Variants in PPIP5K2 observed in about 807,000 individuals in gnomAD.
PPIP5K2 encodes the protein diphosphoinositol pentakisphosphate kinase 2, also known as inositol hexakisphosphate and diphosphoinositol-pentakisphosphate kinase 2.
Under a neutral mutation model 154.6 loss-of-function variants are expected in PPIP5K2, and 105 were observed. That is an observed-to-expected ratio of 0.68 (90% CI 0.58 to 0.80). The LOEUF (loss-of-function observed/expected upper bound fraction) is 0.80, where lower values mean the gene tolerates loss of function less well. Ranked by LOEUF, PPIP5K2 falls within the 30% of genes least tolerant of loss-of-function variation. The pLI is 0.00. For missense variants in PPIP5K2, 992 were observed against 1,504.6 expected (o/e 0.66, Z 5.64); for synonymous variants, 480 against 490.3 (o/e 0.98, Z 0.28).
At chr5:103,151,116 C>A (rs1489757852) in intron 8 of PPIP5K2, 137 bp from the exon 9 acceptor site, 1 of 574,664 alleles carries the variant, frequency 1.7e-6, no homozygotes, top group African/African-American at 1.9e-5. Flanking sequence ...TCTTTCATTT[C>A]TTATTATGAA....
At chr5:103,123,965 T>C (rs2149429576) in intron 1 of PPIP5K2, among the ~76,000 whole-genome samples, 1 of 152,304 alleles carries the variant, frequency 6.6e-6, no homozygotes, top group Non-Finnish European at 1.5e-5. Flanking sequence ...TTGAATGTCC[T>C]GCATCTCTTA....
intron 17 of PPIP5K2, among the ~76,000 whole-genome samples, chr5:103,160,206 G>T (rs1796008430): frequency 6.6e-6 from 1 of 151,974 alleles, no homozygotes; most frequent in Non-Finnish European, 1.5e-5. Flanking sequence ...CTTATCTATT[G>T]TGAACAGTGT....
chr5:103,209,633 A>C lies in PPIP5K2; in HGVS notation c.*7999A>C, dbSNP rs1803696636. ...CTTGATATATGGAAGGATTTTTTTA[A>C]AAAAAAGGAAAAATGAATATGCCTT... is the stretch of plus-strand genomic sequence containing the variant. On this transcript the variant is annotated 3_prime_UTR_variant, in exon 31 of 31. Coordinates refer to ENST00000358359, the MANE Select transcript of PPIP5K2 (RefSeq NM_001276277.3). The C allele has an allele frequency of 6.6e-6, 1 of 152,110 alleles. No individual in the cohort carries two copies. Among genetic ancestry groups the C allele is most frequent in the Non-Finnish European group, 1.5e-5 (1 of 67,998 alleles). The allele number at this position is 152,110 out of a possible 1,614,324, so 9.4% of individuals were successfully genotyped here.
chr5:103,168,183 AC>A lies in PPIP5K2; in HGVS notation c.2175del (p.Asp725GlufsTer6). 6.2e-7 allele frequency: 1 copy of A among 1,607,916 alleles called. No individual in the cohort carries two copies. Among genetic ancestry groups the A allele is most frequent in the East Asian group, 2.2e-5 (1 of 44,648 alleles). ...AGATATGATATTAGTAAAATCCCTG[AC>A]ATATATGACTGTATAAAATATGATG... ...NGRYDISKIP[D>X]IYDCIKYDVQ... is the part of the protein sequence containing the mutation. On this transcript the variant is annotated frameshift_variant, in exon 19 of 31. Transcript: ENST00000358359. LOFTEE classifies it high-confidence loss of function.
intron 28 of PPIP5K2, among the ~76,000 whole-genome samples, chr5:103,190,041 G>A (rs1800979549): frequency 6.6e-6 from 1 of 151,844 alleles, no homozygotes; most frequent in Non-Finnish European, 1.5e-5. Flanking sequence ...AAATAAACAG[G>A]CAATTTTCTT....
At chr5:103,196,444 G>A (rs1469597525) in intron 30 of PPIP5K2, among the ~76,000 whole-genome samples, 1 of 152,110 alleles carries the variant, frequency 6.6e-6, no homozygotes, top group Non-Finnish European at 1.5e-5. Context: ...CATAAGTTGT[G>A]ATGCATCCCA....
chr5:103,160,116 T>C (rs909560255), intron 17 of PPIP5K2, among the ~76,000 whole-genome samples: 8 of 152,222 alleles, frequency 5.3e-5, no homozygotes, highest in Non-Finnish European at 1.0e-4. Flanking sequence ...TTTTTAAGGC[T>C]AGATGATGAT....
At position 103,129,605 on chromosome 5, in the gene PPIP5K2, A is replaced by G. The variant is rs1554201933; in HGVS notation, c.16A>G (p.Arg6Gly). The change falls in exon 2 of 31, where the codon AGA (arginine) becomes GGA (glycine). Residue 6 changes from arginine (R) to glycine (G), a missense_variant. Around this residue, in one of 9 missense-constraint regions of PPIP5K2, gnomAD observed 153 missense variants for 200.4 expected, o/e 0.76. Transcript: ENST00000358359. MSEAP[R>G]FFVGPEDTEI... ...TAAAATAAAAATGAGTGAAGCCCCC[A>G]GATTCTTCGTTGGACCAGAAGATAC... 6.3e-7 allele frequency: 1 copy of G among 1,599,254 alleles called. No individual in the cohort carries two copies. The highest frequency in any genetic ancestry group is 1.1e-5 in the South Asian group (1 of 88,388).
At chr5:103,193,338 T>C (rs952543644) in intron 29 of PPIP5K2, among the ~76,000 whole-genome samples, 9 of 152,072 alleles carry the variant, frequency 5.9e-5, no homozygotes, top group Non-Finnish European at 1.3e-4. Context: ...CCCTGAGTTA[T>C]CAAGCTGTAG....
Position 103,194,976 on chromosome 5 carries a change from C to T in PPIP5K2, c.3570C>T (p.Leu1190=), listed in dbSNP as rs374719818. 34 of 1,613,746 alleles carry T rather than the reference C, an allele frequency of 2.1e-5. No individual in the cohort carries two copies. The East Asian group carries it at 5.8e-4, about 28-fold the overall frequency. The change falls in exon 30 of 31, where the codon CTC becomes CTT. Residue 1190 remains leucine, a synonymous_variant. Coordinates refer to ENST00000358359, the MANE Select transcript of PPIP5K2 (RefSeq NM_001276277.3). ...SLNTYTPAKI[L]PTPPATLKST... ...ATACGTATACACCTGCAAAGATCCT[C>T]CCAACACCACCAGCTACCTTAAAGA...
intron 4 of PPIP5K2, among the ~76,000 whole-genome samples, chr5:103,137,310 C>T (rs1791693082): frequency 6.6e-6 from 1 of 151,788 alleles, no homozygotes; most frequent in African/African-American, 2.4e-5. Flanking sequence ...TTACAGGCGC[C>T]CGCCACCACG....
rs924473204 is a variant in PPIP5K2, at chr5:103,201,759, G to A, written c.*125G>A. 34 of 701,888 alleles carry A rather than the reference G, an allele frequency of 4.8e-5. No individual in the cohort carries two copies. The South Asian group carries it at 6.2e-4, about 13-fold the overall frequency. 43.5% of individuals were successfully genotyped at this position (701,888 alleles called of 1,614,324 possible). ...CTAAGGTTTTCTTTGTTTATGTTCA[G>A]GTAAGGAACTGTTGTCATGATCTGG... On this transcript the variant is annotated 3_prime_UTR_variant, in exon 31 of 31. Coordinates refer to ENST00000358359, the MANE Select transcript of PPIP5K2 (RefSeq NM_001276277.3).
In PPIP5K2 at chr5:103,130,206, A is replaced by G. The variant is rs150702087; in HGVS notation, c.114+503A>G. Reference sequence around the variant, plus strand: ...AGGGTAGGCTACCTAAAAAGTATCTATGTGTTTGTGTGTGTGTCTAAAACT... The same window carrying G: ...AGGGTAGGCTACCTAAAAAGTATCTGTGTGTTTGTGTGTGTGTCTAAAACT... On this transcript the variant is annotated intron_variant, in intron 2 of 30. Transcript: ENST00000358359. Among the ~76,000 whole-genome samples the G allele has an allele frequency of 9.0e-4, 137 of 152,112 alleles. 1 individual carries two copies. Among genetic ancestry groups the G allele is most frequent in the African/African-American group, 3.2e-3 (133 of 41,560 alleles).
chr5:103,203,001 G>C lies in PPIP5K2; in HGVS notation c.*1367G>C, dbSNP rs1554231203. Reference sequence around the variant, plus strand: ...ATGTTAGCTGTTTTAAAAGGTACCAGATGTAAGAGTCATAAATATATGCAA... The same window carrying C: ...ATGTTAGCTGTTTTAAAAGGTACCACATGTAAGAGTCATAAATATATGCAA... On this transcript the variant is annotated 3_prime_UTR_variant, in exon 31 of 31. Coordinates refer to ENST00000358359, the MANE Select transcript of PPIP5K2 (RefSeq NM_001276277.3). 6.6e-6 allele frequency: 1 copy of C among 152,526 alleles called. No homozygotes were observed. The highest frequency in any genetic ancestry group is 1.5e-5 in the Non-Finnish European group (1 of 67,990). 9.4% of individuals were successfully genotyped at this position (152,526 alleles called of 1,614,324 possible).
chr5:103,188,800 A>G (rs1800785452), intron 28 of PPIP5K2: 1 of 162,856 alleles, frequency 6.1e-6, no homozygotes, highest in East Asian at 1.7e-4. Context: ...TAAAAATGAA[A>G]AATATTTATG....
intron 21 of PPIP5K2, chr5:103,176,950 T>A (rs1798816739): frequency 2.1e-6 from 3 of 1,400,122 alleles, no homozygotes; most frequent in Admixed American, 2.1e-5. Flanking sequence ...CTTCTTCTGA[T>A]TTTTGAATAT....
At chr5:103,136,661 A>C (rs1791553889) in intron 3 of PPIP5K2, 71 bp from the exon 4 acceptor site, 1 of 1,163,434 alleles carries the variant, frequency 8.6e-7, no homozygotes, top group Non-Finnish European at 1.3e-6. Flanking sequence ...AGGTGGCATC[A>C]ATTCAAGTTA....
Position 103,158,273 on chromosome 5 carries a change from A to T in PPIP5K2, c.1575A>T (p.Glu525Asp). 1 of 1,614,094 alleles carries T rather than the reference A, an allele frequency of 6.2e-7. No homozygotes were observed. The highest frequency in any genetic ancestry group is 8.5e-7 in the Non-Finnish European group (1 of 1,179,962). Residue 525 changes from glutamate (E) to aspartate (D), a missense_variant, in exon 15 of 31, where the codon GAA becomes GAT. Coordinates refer to ENST00000358359, the MANE Select transcript of PPIP5K2 (RefSeq NM_001276277.3). Reference sequence around the variant, plus strand: ...CTGCAGGCAGGGTCCAGGCTGAAGAACTTGGAAGAGCCTTCAGGTGTATGT... The same window carrying T: ...CTGCAGGCAGGGTCCAGGCTGAAGATCTTGGAAGAGCCTTCAGGTGTATGT... ...LTPAGRVQAEELGRAFRCMYP... is the reference protein window; with the variant it reads ...LTPAGRVQAEDLGRAFRCMYP...
At chr5:103,149,074 G>T in intron 7 of PPIP5K2, 78 bp from the exon 8 acceptor site, 1 of 1,103,280 alleles carries the variant, frequency 9.1e-7, no homozygotes, top group Non-Finnish European at 1.2e-6. Flanking sequence ...TTTTTTCATT[G>T]TATTTGTTGT....
Sources: allele counts gnomAD v4.1 joint callset (sites outside exome capture counted in the v4.1 genomes callset), GRCh38; gene constraint gnomAD v4.1.1; regional missense constraint gnomAD v4.1.1; transcripts MANE v1.5; gene names NCBI Gene and HGNC (gene_info 2026-07-23, HGNC 2026-07-21).